YWHAZ: variants seen among roughly 807,000 people sequenced by gnomAD.
YWHAZ encodes the protein tyrosine 3-monooxygenase/tryptophan 5-monooxygenase activation protein zeta, also known as 14-3-3 protein zeta/delta.
For synonymous variants in YWHAZ, 87 were observed against 103.6 expected (o/e 0.84, Z 0.97); for missense variants, 79 against 284.8 (o/e 0.28, Z 5.20).
chr8:100,924,210 A>G lies in YWHAZ; in HGVS notation c.507T>C (p.Gly169=). 1.9e-6 allele frequency: 3 copies of G among 1,614,118 alleles called. No homozygotes were observed. Among genetic ancestry groups the G allele is most frequent in the Non-Finnish European group, 2.5e-6 (3 of 1,179,988 alleles). The stretch of plus-strand genomic sequence containing the variant: ...AGAACACAGAGAAGTTAAGGGCCAG[A>G]CCCAGTCTGATAGGATGTGTTGGTT... ...EMQPTHPIRL[G]LALNFSVFYY... is the part of the protein sequence containing the mutation. The change falls in exon 4 of 6, where the codon GGT becomes GGC. Residue 169 remains glycine, a synonymous_variant. Transcript: ENST00000395958. This position sits in a 1 kb window ranked among gnomAD's most constrained non-coding sequence, Gnocchi z 5.7.
chr8:100,925,057 C>T lies in YWHAZ; in HGVS notation c.295-18G>A. 1 of 1,608,038 alleles carries T rather than the reference C, an allele frequency of 6.2e-7. No individual in the cohort carries two copies. On this transcript the variant is annotated intron_variant, in intron 2 of 5. Transcript: ENST00000395958. ...AAAAGAGACTTAAGAAGAAAAGAAA[C>T]AGACATAGTGAGAATAAAACATTTA...
At chr8:100,937,147 T>G (rs554953533) in intron 2 of YWHAZ, among the ~76,000 whole-genome samples, 1 of 152,240 alleles carries the variant, frequency 6.6e-6, no homozygotes. Flanking sequence ...TGGCAAAATA[T>G]ATGAAAAACT....
chr8:100,944,370 A>T (rs1352471878), intron 2 of YWHAZ, among the ~76,000 whole-genome samples: 1 of 152,220 alleles, frequency 6.6e-6, no homozygotes, highest in African/African-American at 2.4e-5. Flanking sequence ...CCACAACTTA[A>T]AATTGCCCTG....
At chr8:100,931,386 G>A (rs887157291) in intron 2 of YWHAZ, among the ~76,000 whole-genome samples, 1 of 152,164 alleles carries the variant, frequency 6.6e-6, no homozygotes, top group Non-Finnish European at 1.5e-5. Context: ...TTAATGAACT[G>A]AGAATCTATC....
intron 1 of YWHAZ, chr8:100,951,518 G>C (rs1220631490): frequency 2.0e-6 from 2 of 985,558 alleles, no homozygotes; most frequent in African/African-American, 1.7e-5. Context: ...GAAGCGAGAA[G>C]GGCGGCGAGG....
In YWHAZ at chr8:100,932,028, C is replaced by T. The variant is rs144006056; in HGVS notation, c.295-6989G>A. 8 of 152,342 alleles carry T rather than the reference C, an allele frequency of 5.3e-5. No homozygotes were observed. The East Asian group carries it at 1.5e-3, about 29-fold the overall frequency. 9.4% of individuals were successfully genotyped at this position (152,342 alleles called of 1,614,324 possible). Reference sequence around the variant, plus strand: ...ACAAACTATGGAGACAGACTGCTTACTGCCTAAATTCAAACTCTGTCACCT... The same window carrying T: ...ACAAACTATGGAGACAGACTGCTTATTGCCTAAATTCAAACTCTGTCACCT... On this transcript the variant is annotated intron_variant, in intron 2 of 5. Transcript: ENST00000395958.
chr8:100,922,687 CCT>C lies in YWHAZ; in HGVS notation c.678+1266_678+1267del, dbSNP rs1486998120. 1 of 152,154 alleles carries C rather than the reference CCT, an allele frequency of 6.6e-6. No homozygotes were observed. Among genetic ancestry groups the C allele is most frequent in the Non-Finnish European group, 1.5e-5 (1 of 68,086 alleles). 9.4% of individuals were successfully genotyped at this position (152,154 alleles called of 1,614,324 possible). Reference sequence around the variant, plus strand: ...GCGTGAGCCACCACGCCCGGCCAACCCTGGTTTTCTTATTGCAATATGCGCTC... The same window carrying C: ...GCGTGAGCCACCACGCCCGGCCAACCGGTTTTCTTATTGCAATATGCGCTC... On this transcript the variant is annotated intron_variant, in intron 5 of 5. Coordinates refer to ENST00000395958, the MANE Select transcript of YWHAZ (RefSeq NM_145690.3). The surrounding 1 kb of genome is among the most constrained non-coding windows in gnomAD (Gnocchi z 4.1).
intron 2 of YWHAZ, among the ~76,000 whole-genome samples, chr8:100,928,332 A>T (rs1813513195): frequency 6.6e-6 from 1 of 152,120 alleles, no homozygotes; most frequent in South Asian, 2.1e-4. Context: ...TAAATCGTCC[A>T]ATGACATAAG....
chr8:100,951,069 CAA>C (rs1044988174), intron 1 of YWHAZ: 1 of 667,532 alleles, frequency 1.5e-6, no homozygotes, highest in African/African-American at 2.0e-5. Context: ...TCACAAGGAG[CAA>C]AAAAAGTCAG....
At chr8:100,942,431 G>A (rs1044286298) in intron 2 of YWHAZ, among the ~76,000 whole-genome samples, 3 of 152,100 alleles carry the variant, frequency 2.0e-5, no homozygotes, top group Non-Finnish European at 2.9e-5. Flanking sequence ...GTGAATGATC[G>A]GTTACATAGA....
chr8:100,944,792 C>T (rs976527041), intron 2 of YWHAZ, among the ~76,000 whole-genome samples: 6 of 152,172 alleles, frequency 3.9e-5, no homozygotes, highest in African/African-American at 1.4e-4. Flanking sequence ...TTCCCCACAA[C>T]CCTGTGGGAT....
In YWHAZ at chr8:100,948,128, T is replaced by C; in HGVS notation, c.294+468A>G. 1 of 1,534,738 alleles carries C rather than the reference T, an allele frequency of 6.5e-7. No homozygotes were observed. The highest frequency in any genetic ancestry group is 8.7e-7 in the Non-Finnish European group (1 of 1,146,672). On this transcript the variant is annotated intron_variant, in intron 2 of 5. Transcript: ENST00000395958. The surrounding 1 kb of genome is among the most constrained non-coding windows in gnomAD (Gnocchi z 4.2). Reference sequence around the variant, plus strand: ...TTTCATAGTTGTGACGCCAGAGTTTTCTGCATGGTTGACTCATTACATTAA... The same window carrying C: ...TTTCATAGTTGTGACGCCAGAGTTTCCTGCATGGTTGACTCATTACATTAA...
chr8:100,944,805 G>A (rs920997146), intron 2 of YWHAZ, among the ~76,000 whole-genome samples: 4 of 152,158 alleles, frequency 2.6e-5, no homozygotes, highest in African/African-American at 9.7e-5. Flanking sequence ...TGTGGGATGA[G>A]TATTATTCCT....
rs1563693843 is a variant in YWHAZ, at chr8:100,950,661, G to GA, written c.-12+1267_-12+1268insT. On this transcript the variant is annotated intron_variant, in intron 1 of 5. Transcript: ENST00000395958. ...CCCGCGCCCCCGCCCAAGCCGTGGG[G>GA]GGGGGGGAGAGATGGGGAGCGAAGC... The GA allele has an allele frequency of 4.9e-5, 45 of 915,000 alleles. 1 individual carries two copies. The highest frequency in any genetic ancestry group is 5.9e-5 in the Non-Finnish European group (45 of 766,160). 56.7% of individuals were successfully genotyped at this position (915,000 alleles called of 1,614,324 possible). A position where few individuals can be genotyped will look rare whatever the true frequency, so the allele number is the denominator to read the frequency against.
intron 5 of YWHAZ, among the ~76,000 whole-genome samples, chr8:100,921,726 C>T (rs1003652415): frequency 6.6e-6 from 1 of 152,196 alleles, no homozygotes; most frequent in African/African-American, 2.4e-5. Flanking sequence ...TGGACAAAAA[C>T]CAGAACCAAA....
chr8:100,939,803 C>T (rs750998308), intron 2 of YWHAZ, among the ~76,000 whole-genome samples: 98 of 152,152 alleles, frequency 6.4e-4, no homozygotes, highest in Admixed American at 2.6e-3. Context: ...AGGCGGATCA[C>T]GAGGTTAGGA....
Position 100,932,453 on chromosome 8 carries a change from C to T in YWHAZ, c.295-7414G>A, listed in dbSNP as rs150504535. Among the ~76,000 whole-genome samples, 1,420 of 152,180 alleles carry T rather than the reference C, an allele frequency of 9.3e-3. 21 individuals are homozygous for T. The highest frequency in any genetic ancestry group is 0.031 in the African/African-American group (1,295 of 41,518). ...ACATTTTCTAGGAAAAAACCCTAAA[C>T]GGTAACAATACTTCAAATTTATGGC... On this transcript the variant is annotated intron_variant, in intron 2 of 5. Coordinates refer to ENST00000395958, the MANE Select transcript of YWHAZ (RefSeq NM_145690.3).
At chr8:100,947,862 T>G (rs183373926) in intron 2 of YWHAZ, among the ~76,000 whole-genome samples, 33 of 152,350 alleles carry the variant, frequency 2.2e-4, no homozygotes, top group African/African-American at 7.7e-4. Context: ...TTGGTTGGAT[T>G]CTCTACTGGT....
At chr8:100,951,788 C>T in intron 1 of YWHAZ, 141 bp downstream of exon 1, 1 of 985,390 alleles carries the variant, frequency 1.0e-6, no homozygotes, top group South Asian at 4.7e-5. Flanking sequence ...CGCCCGTGTC[C>T]GCTGAGGAGA....
Sources: allele counts gnomAD v4.1 joint callset (sites outside exome capture counted in the v4.1 genomes callset), GRCh38; gene constraint gnomAD v4.1.1; non-coding constraint Gnocchi (gnomAD v3.1); transcripts MANE v1.5; gene names NCBI Gene and HGNC (gene_info 2026-07-23, HGNC 2026-07-21).